The following TPRG1 variants were observed in gnomAD, a reference collection of about 807,000 sequenced individuals.
The protein encoded by TPRG1 is tumor protein p63 regulated 1.
TPRG1 carries 29 observed loss-of-function variants against 29.3 expected under a neutral mutation model. The observed-to-expected ratio is 0.99, with a 90% CI of 0.74 to 1.35. The LOEUF (loss-of-function observed/expected upper bound fraction) is 1.35, where lower values mean the gene tolerates loss of function less well. Among genes scored for constraint, TPRG1 ranks in the 40% most tolerant of loss-of-function variants. The pLI is 0.00. For synonymous variants in TPRG1, 130 were observed against 116.8 expected, an observed-to-expected ratio of 1.11 and a Z score of -0.73; for missense variants, 327 against 335.0, an observed-to-expected ratio of 0.98 and a Z score of 0.19.
intron 3 of TPRG1, among the ~76,000 whole-genome samples, chr3:189,018,434 C>T (rs2152123989): frequency 7.0e-6 from 1 of 143,828 alleles, no homozygotes; most frequent in South Asian, 2.4e-4. Context: ...AATCCAGTTT[C>T]AGCTTTCTAC....
Position 189,144,246 on chromosome 3 carries a change from T to C in TPRG1, c.-290-3338T>C, listed in dbSNP as rs555703556. Among the ~76,000 whole-genome samples, 113 of 152,278 alleles carry C rather than the reference T, an allele frequency of 7.4e-4. 2 individuals are homozygous for C. In the South Asian group the frequency reaches 0.011, roughly 14 times the overall value. On this transcript the variant is annotated intron_variant, in intron 3 of 6. Transcript: ENST00000412373. ...CTACATCCTCCTGGATTCAATATGGTTGTGGCAAGAAAGCTTTGTTTCCTA... is the reference window on the plus strand; with the variant it reads ...CTACATCCTCCTGGATTCAATATGGCTGTGGCAAGAAAGCTTTGTTTCCTA...
At chr3:189,064,779 A>G (rs757951185) in intron 4 of TPRG1, among the ~76,000 whole-genome samples, 1 of 152,222 alleles carries the variant, frequency 6.6e-6, no homozygotes, top group East Asian at 1.9e-4. Context: ...AACTAAAAAA[A>G]TACACAAATT....
intron 3 of TPRG1, among the ~76,000 whole-genome samples, chr3:189,219,119 T>C (rs934271769): frequency 6.6e-6 from 1 of 152,200 alleles, no homozygotes; most frequent in African/African-American, 2.4e-5. Flanking sequence ...TTTAGAAGAA[T>C]AAAACAATGC....
intron 2 of TPRG1, among the ~76,000 whole-genome samples, chr3:189,001,417 G>C (rs963006015): frequency 3.6e-4 from 55 of 152,136 alleles, no homozygotes; most frequent in African/African-American, 1.3e-3. Flanking sequence ...TCAAGGTATT[G>C]GCAGATTCAG....
chr3:189,277,578 C>T (rs1338696371), intron 4 of TPRG1, among the ~76,000 whole-genome samples: 4 of 151,936 alleles, frequency 2.6e-5, no homozygotes, highest in South Asian at 2.1e-4. Context: ...GCAGTGAACA[C>T]GTTTGGACAG....
intron 4 of TPRG1, among the ~76,000 whole-genome samples, chr3:189,283,850 A>G (rs1345319614): frequency 6.6e-6 from 1 of 152,238 alleles, no homozygotes; most frequent in Non-Finnish European, 1.5e-5. Context: ...AGTAACTAGC[A>G]GAGCTCTAGA....
intron 4 of TPRG1, among the ~76,000 whole-genome samples, chr3:189,246,779 T>C (rs981002270): frequency 2.0e-5 from 3 of 152,202 alleles, no homozygotes; most frequent in African/African-American, 7.2e-5. Context: ...TTGAGATTGT[T>C]ACTTCTTTCT....
intron 4 of TPRG1, among the ~76,000 whole-genome samples, chr3:189,276,177 A>G (rs1433889113): frequency 6.6e-6 from 1 of 152,118 alleles, no homozygotes; most frequent in African/African-American, 2.4e-5. Context: ...GGCTGCCACG[A>G]TAGAATTGGT....
intron 3 of TPRG1, among the ~76,000 whole-genome samples, chr3:189,220,704 T>C (rs1465290122): frequency 6.6e-6 from 1 of 152,188 alleles, no homozygotes; most frequent in East Asian, 1.9e-4. Context: ...TTTCTGTTCC[T>C]GTATTAGTTT....
intron 4 of TPRG1, among the ~76,000 whole-genome samples, chr3:189,088,166 T>C (rs563387515): frequency 7.9e-4 from 120 of 152,346 alleles, no homozygotes; most frequent in African/African-American, 2.9e-3. Context: ...GTTTGTTTCC[T>C]CTTTTATTTC....
At chr3:189,011,428 G>A (rs976679893) in intron 3 of TPRG1, among the ~76,000 whole-genome samples, 3 of 152,032 alleles carry the variant, frequency 2.0e-5, no homozygotes, top group South Asian at 2.1e-4. Flanking sequence ...AGACATATTC[G>A]AGAATGGGCA....
chr3:189,150,004 C>G (rs908165317), intron 4 of TPRG1, among the ~76,000 whole-genome samples: 3 of 152,216 alleles, frequency 2.0e-5, no homozygotes, highest in Non-Finnish European at 2.9e-5. Context: ...GCACACTGAC[C>G]AGTGTCCTTT....
chr3:189,191,226 C>T (rs115085789), intron 1 of TPRG1, among the ~76,000 whole-genome samples: 1,597 of 152,212 alleles, frequency 0.01, 33 homozygotes, highest in African/African-American at 0.036. Flanking sequence ...CAGATGTTAT[C>T]GTTCTTCATC....
intron 4 of TPRG1, among the ~76,000 whole-genome samples, chr3:189,049,194 CG>C (rs1560414184): frequency 6.6e-6 from 1 of 152,184 alleles, no homozygotes; most frequent in East Asian, 1.9e-4. Flanking sequence ...GGCACAGGCA[CG>C]GAAGAACTAA....
At chr3:189,158,502 A>T (rs1365918109) in intron 5 of TPRG1, among the ~76,000 whole-genome samples, 1 of 152,054 alleles carries the variant, frequency 6.6e-6, no homozygotes, top group African/African-American at 2.4e-5. Context: ...CCAGCTACCC[A>T]GGAGGCTGAG....
At chr3:189,021,517 C>T (rs946741539) in intron 3 of TPRG1, among the ~76,000 whole-genome samples, 5 of 152,086 alleles carry the variant, frequency 3.3e-5, no homozygotes, top group Non-Finnish European at 5.9e-5. Flanking sequence ...ATATGAAATT[C>T]TGGGTTGAAA....
intron 4 of TPRG1, among the ~76,000 whole-genome samples, chr3:189,076,529 CTG>C (rs1717181758): frequency 6.7e-6 from 1 of 149,858 alleles, no homozygotes; most frequent in Non-Finnish European, 1.5e-5. Context: ...GTCACTGAGA[CTG>C]TTTTTTTTTT....
At chr3:189,136,864 A>G (rs1248676179) in intron 3 of TPRG1, among the ~76,000 whole-genome samples, 1 of 152,168 alleles carries the variant, frequency 6.6e-6, no homozygotes, top group African/African-American at 2.4e-5. Context: ...TTTAATGTCT[A>G]TTACCTTATT....
chr3:189,013,937 G>T (rs1712784371), intron 3 of TPRG1, among the ~76,000 whole-genome samples: 1 of 152,130 alleles, frequency 6.6e-6, no homozygotes, highest in South Asian at 2.1e-4. Flanking sequence ...GCATTGCAGT[G>T]GGTGTTGGTT....
Sources: allele counts gnomAD v4.1 joint callset (sites outside exome capture counted in the v4.1 genomes callset), GRCh38; gene constraint gnomAD v4.1.1; transcripts MANE v1.5; gene names NCBI Gene and HGNC (gene_info 2026-07-23, HGNC 2026-07-21).